Variants in CFAP221 observed in about 807,000 individuals in gnomAD.
CFAP221 encodes cilia- and flagella-associated protein 221.
CFAP221 carries 97 observed loss-of-function variants against 113.1 expected under a neutral mutation model. The observed-to-expected ratio is 0.86, with a 90% CI of 0.73 to 1.02. The LOEUF is 1.02. Ranked by LOEUF, CFAP221 falls within the 50% of genes least tolerant of loss-of-function variation. The probability of loss-of-function intolerance (pLI) is 0.00; values close to 1 mark genes in which losing one functional copy is unlikely to be tolerated. For missense variants in CFAP221, 1,025 were observed against 1,013.4 expected (o/e 1.01, Z -0.16); for synonymous variants, 331 against 354.4 (o/e 0.93, Z 0.74).
Position 119,611,741 on chromosome 2 carries a change from A to T in CFAP221, c.1310A>T (p.Glu437Val), listed in dbSNP as rs1685180562. Residue 437 changes from glutamate to valine, a missense_variant and splice_region_variant, in exon 13 of 24, where the codon GAG becomes GTG. Transcript: ENST00000413369. ...AAACGGGTTGTTCGCAATCAAGAAG[A>T]GGTGGGTAACTTTCCTTTATTTAGA... is the stretch of plus-strand genomic sequence containing the variant. ...SHKRVVRNQE[E>V]KIKEFHPTFD... is the part of the protein sequence containing the mutation. The T allele has an allele frequency of 6.2e-7, 1 of 1,609,468 alleles. No individual in the cohort carries two copies. The highest frequency in any genetic ancestry group is 1.3e-5 in the African/African-American group (1 of 74,780).
chr2:119,571,539 C>T (rs1682057940), intron 6 of CFAP221, among the ~76,000 whole-genome samples: 1 of 152,146 alleles, frequency 6.6e-6, no homozygotes, highest in Non-Finnish European at 1.5e-5. Flanking sequence ...ACTGCAACCT[C>T]TGCCTTTCAG....
chr2:119,630,711 T>C lies in CFAP221; in HGVS notation c.1839+34T>C, dbSNP rs1402791163. Reference sequence around the variant, plus strand: ...CCCCCATCTTCCAGAATCTCTCTCATCTTTTCCCTCTTATCCTGGCATCAA... The same window carrying C: ...CCCCCATCTTCCAGAATCTCTCTCACCTTTTCCCTCTTATCCTGGCATCAA... On this transcript the variant is annotated intron_variant, in intron 18 of 23. Coordinates refer to ENST00000413369, the MANE Select transcript of CFAP221 (RefSeq NM_001271049.2). The C allele has an allele frequency of 3.7e-6, 6 of 1,604,936 alleles. No homozygotes were observed. In the African/African-American group the frequency reaches 6.7e-5, roughly 18 times the overall value.
chr2:119,579,412 T>G (rs537340439), intron 6 of CFAP221, among the ~76,000 whole-genome samples: 2 of 152,216 alleles, frequency 1.3e-5, no homozygotes, highest in Non-Finnish European at 2.9e-5. Context: ...GGATTCTGTC[T>G]CTTTAAATAT....
At chr2:119,591,744 G>A (rs1363042601) in intron 7 of CFAP221, among the ~76,000 whole-genome samples, 4 of 152,214 alleles carry the variant, frequency 2.6e-5, no homozygotes, top group Non-Finnish European at 5.9e-5. Flanking sequence ...GAAGAAGTCA[G>A]ATGGTTTGGC....
chr2:119,589,256 G>A (rs1683425357), intron 7 of CFAP221, among the ~76,000 whole-genome samples: 1 of 152,252 alleles, frequency 6.6e-6, no homozygotes, highest in African/African-American at 2.4e-5. Flanking sequence ...ATTGTTGGCT[G>A]TTATACTTTT....
At chr2:119,622,715 T>C (rs1217755149) in intron 14 of CFAP221, among the ~76,000 whole-genome samples, 6 of 152,174 alleles carry the variant, frequency 3.9e-5, no homozygotes, top group African/African-American at 9.7e-5. Flanking sequence ...TGCTTCAACA[T>C]ATGCAAATCA....
At chr2:119,625,724 C>T in intron 15 of CFAP221, 36 bp downstream of exon 15, 2 of 1,517,624 alleles carry the variant, frequency 1.3e-6, no homozygotes, top group Non-Finnish European at 1.8e-6. Flanking sequence ...GATGCCGAGA[C>T]TGATCATGCC....
intron 22 of CFAP221, among the ~76,000 whole-genome samples, chr2:119,650,203 T>C (rs1688044869): frequency 6.6e-6 from 1 of 152,256 alleles, no homozygotes; most frequent in South Asian, 2.1e-4. Flanking sequence ...TTAAGTATAT[T>C]TTTACAAGTA....
chr2:119,586,121 A>C (rs1309840267), intron 6 of CFAP221, among the ~76,000 whole-genome samples: 1 of 152,074 alleles, frequency 6.6e-6, no homozygotes, highest in East Asian at 1.9e-4. Context: ...GAGGGCTCAG[A>C]AGGTATGGGG....
rs577647273 is a variant in CFAP221 at position 119,559,235 on chromosome 2, C to T, written c.241-454C>T. Among the ~76,000 whole-genome samples, 53 of 152,320 alleles carry T rather than the reference C, an allele frequency of 3.5e-4. No homozygotes were observed. The South Asian group carries it at 3.7e-3, about 11-fold the overall frequency. ...CGTGGATTGGAGGCTGTCTTAGTCA[C>T]GTTCTTTTTCCTGACTTTCTGATGG... On this transcript the variant is annotated intron_variant, in intron 3 of 23. Coordinates refer to ENST00000413369, the MANE Select transcript of CFAP221 (RefSeq NM_001271049.2).
At chr2:119,608,990 C>T (rs1684965117) in intron 12 of CFAP221, among the ~76,000 whole-genome samples, 1 of 152,148 alleles carries the variant, frequency 6.6e-6, no homozygotes, top group African/African-American at 2.4e-5. Context: ...GTAACCAGGA[C>T]CCACATCAGA....
At chr2:119,590,058 G>A (rs1182640084) in intron 7 of CFAP221, 1 of 152,136 alleles carries the variant, frequency 6.6e-6, no homozygotes, top group African/African-American at 2.4e-5. Context: ...ACTATTTTGT[G>A]ATCCTGGACA....
chr2:119,641,770 C>T (rs1207955840), intron 21 of CFAP221, among the ~76,000 whole-genome samples: 1 of 152,196 alleles, frequency 6.6e-6, no homozygotes, highest in African/African-American at 2.4e-5. Context: ...GATAGTCCGT[C>T]ACCACATTGA....
intron 6 of CFAP221, among the ~76,000 whole-genome samples, chr2:119,585,906 G>A (rs967915865): frequency 4.0e-4 from 61 of 152,188 alleles, no homozygotes; most frequent in African/African-American, 1.3e-3. Context: ...TATTGGAGAA[G>A]TCCACAGACA....
intron 6 of CFAP221, among the ~76,000 whole-genome samples, chr2:119,564,117 T>A (rs1024616914): frequency 1.3e-5 from 2 of 152,326 alleles, no homozygotes; most frequent in South Asian, 4.1e-4. Context: ...TGTAAGCTGC[T>A]GATGACCGGG....
At chr2:119,609,596 T>TAAA (rs1685012767) in intron 12 of CFAP221, among the ~76,000 whole-genome samples, 1 of 152,084 alleles carries the variant, frequency 6.6e-6, no homozygotes, top group African/African-American at 2.4e-5. Flanking sequence ...CATATTGGAT[T>TAAA]AAGACCGACT....
intron 7 of CFAP221, among the ~76,000 whole-genome samples, chr2:119,597,544 C>T (rs1684068669): frequency 6.6e-6 from 1 of 152,104 alleles, no homozygotes; most frequent in Non-Finnish European, 1.5e-5. Flanking sequence ...ATATTAAAAC[C>T]AATACTTAGA....
chr2:119,629,790 A>G (rs1686636245), intron 16 of CFAP221, 85 bp from the exon 17 acceptor site: 10 of 1,086,168 alleles, frequency 9.2e-6, no homozygotes, highest in South Asian at 1.4e-5. Flanking sequence ...CTGGTCACTA[A>G]TGTTTCAAAA....
intron 6 of CFAP221, among the ~76,000 whole-genome samples, chr2:119,582,416 T>C (rs1311664929): frequency 6.6e-6 from 1 of 151,878 alleles, no homozygotes; most frequent in Non-Finnish European, 1.5e-5. Context: ...ATACTAGGTA[T>C]GTTTAGACTT....
Sources: gnomAD v4.1 joint callset for allele counts (sites outside exome capture counted in the v4.1 genomes callset) on GRCh38, gnomAD v4.1.1 for gene constraint, MANE v1.5 for transcripts, NCBI Gene and HGNC (gene_info 2026-07-23, HGNC 2026-07-21) for gene names.